The following EPHA6 variants were observed in gnomAD, a reference collection of about 807,000 sequenced individuals.
EPHA6 encodes ephrin type-A receptor 6.
Under a neutral mutation model 112.0 loss-of-function variants are expected in EPHA6, and 50 were observed. That is an observed-to-expected ratio of 0.45 (90% CI 0.36 to 0.56). EPHA6 has a LOEUF of 0.56. EPHA6 is among the 20% of genes least tolerant of loss of function. The probability of loss-of-function intolerance (pLI) is 0.00; values close to 1 mark genes in which losing one functional copy is unlikely to be tolerated. For synonymous variants in EPHA6, 529 were observed against 490.7 expected, an observed-to-expected ratio of 1.08 and a Z score of -1.03; for missense variants, 1,280 against 1,417.4, an observed-to-expected ratio of 0.90 and a Z score of 1.56.
chr3:97,126,221 A>G (rs2048178233), intron 3 of EPHA6, among the ~76,000 whole-genome samples: 1 of 152,120 alleles, frequency 6.6e-6, no homozygotes, highest in East Asian at 1.9e-4. Flanking sequence ...TACTGGCCAT[A>G]TTAACAAGTT....
intron 3 of EPHA6, among the ~76,000 whole-genome samples, chr3:97,198,539 G>T (rs905830466): frequency 3.3e-5 from 5 of 151,990 alleles, no homozygotes; most frequent in African/African-American, 1.2e-4. Context: ...ACTCTGGATT[G>T]CTCAGCAGCA....
At chr3:97,478,748 C>T (rs1423663294) in intron 8 of EPHA6, among the ~76,000 whole-genome samples, 1 of 152,022 alleles carries the variant, frequency 6.6e-6, no homozygotes, top group South Asian at 2.1e-4. Flanking sequence ...GTAACACAGA[C>T]GTACTTTGTT....
At chr3:97,730,844 A>C (rs2035001880) in intron 15 of EPHA6, among the ~76,000 whole-genome samples, 1 of 152,164 alleles carries the variant, frequency 6.6e-6, no homozygotes, top group Non-Finnish European at 1.5e-5. Context: ...ACAAAGAAAC[A>C]GTCGCTGCTC....
chr3:97,646,848 T>A (rs2094068553), intron 14 of EPHA6, among the ~76,000 whole-genome samples: 1 of 152,174 alleles, frequency 6.6e-6, no homozygotes, highest in Non-Finnish European at 1.5e-5. Flanking sequence ...GTGTGGTTCC[T>A]CCAAGGCTGA....
intron 2 of EPHA6, among the ~76,000 whole-genome samples, chr3:96,913,313 C>G (rs1189072182): frequency 1.3e-5 from 2 of 151,114 alleles, no homozygotes; most frequent in Non-Finnish European, 2.9e-5. Context: ...AAGAATGCAG[C>G]GAACTATGAT....
intron 1 of EPHA6, among the ~76,000 whole-genome samples, chr3:96,844,470 G>A (rs1303298917): frequency 6.6e-6 from 1 of 151,878 alleles, no homozygotes; most frequent in Admixed American, 6.6e-5. Context: ...TAATAATTAT[G>A]CTCTTTCACT....
chr3:97,618,082 A>G (rs1333823031), intron 13 of EPHA6, among the ~76,000 whole-genome samples: 1 of 152,078 alleles, frequency 6.6e-6, no homozygotes, highest in Non-Finnish European at 1.5e-5. Context: ...ACATTCTCTC[A>G]GACCACAGCA....
intron 3 of EPHA6, among the ~76,000 whole-genome samples, chr3:96,996,639 A>G (rs2043435015): frequency 6.6e-6 from 1 of 152,064 alleles, no homozygotes; most frequent in African/African-American, 2.4e-5. Context: ...TTTGAAAGCA[A>G]TCTTATTTTC....
At chr3:97,724,341 G>T (rs1215361798) in intron 15 of EPHA6, among the ~76,000 whole-genome samples, 1 of 152,098 alleles carries the variant, frequency 6.6e-6, no homozygotes, top group East Asian at 1.9e-4. Flanking sequence ...GAAAAAAAGA[G>T]TACACAGAAC....
chr3:97,139,802 C>T (rs1250676135), intron 3 of EPHA6, among the ~76,000 whole-genome samples: 1 of 152,136 alleles, frequency 6.6e-6, no homozygotes, highest in African/African-American at 2.4e-5. Flanking sequence ...CCCAAAGGAT[C>T]ACATTAGGTC....
intron 2 of EPHA6, among the ~76,000 whole-genome samples, chr3:96,957,971 A>G (rs958605037): frequency 6.6e-6 from 1 of 152,160 alleles, no homozygotes; most frequent in African/African-American, 2.4e-5. Flanking sequence ...ACTAGCTTAA[A>G]AGAGTTCCTG....
In EPHA6 at chr3:96,987,594, T is replaced by TA; in HGVS notation, c.716dup (p.Tyr239Ter). Residue 239 changes from tyrosine (Y) to a stop codon, truncating the protein, a stop_gained and frameshift_variant, in exon 3 of 18, where the codon TAT becomes TAAT. Coordinates refer to ENST00000389672, the MANE Select transcript of EPHA6 (RefSeq NM_001080448.3). LOFTEE classifies it high-confidence loss of function. Reference sequence around the variant, plus strand: ...CGGAATTAAATTCAAGCCAAACCAGTATACAAAGATCGACACAATTGCTGC... The same window carrying TA: ...CGGAATTAAATTCAAGCCAAACCAGTAATACAAAGATCGACACAATTGCTGC... ...SHGIKFKPNQ[Y>*]TKIDTIAADE... is the part of the protein sequence containing the mutation. 6.2e-7 allele frequency: 1 copy of TA among 1,613,844 alleles called. No individual in the cohort carries two copies. Among genetic ancestry groups the TA allele is most frequent in the Non-Finnish European group, 8.5e-7 (1 of 1,179,766 alleles).
intron 3 of EPHA6, among the ~76,000 whole-genome samples, chr3:96,999,355 T>C (rs2043543943): frequency 6.6e-6 from 1 of 151,986 alleles, no homozygotes; most frequent in Non-Finnish European, 1.5e-5. Flanking sequence ...GTAGTTCTGC[T>C]TCATGCAGTA....
At chr3:97,180,696 C>G (rs1355027967) in intron 3 of EPHA6, among the ~76,000 whole-genome samples, 1 of 152,032 alleles carries the variant, frequency 6.6e-6, no homozygotes, top group East Asian at 1.9e-4. Flanking sequence ...GACTGATGCC[C>G]TATCCTGCTA....
chr3:96,926,786 T>C (rs2040057479), intron 2 of EPHA6, among the ~76,000 whole-genome samples: 1 of 152,148 alleles, frequency 6.6e-6, no homozygotes, highest in Non-Finnish European at 1.5e-5. Context: ...CTTTGCAGGG[T>C]ACAGCCCCCC....
intron 14 of EPHA6, among the ~76,000 whole-genome samples, chr3:97,691,015 T>C (rs1046746958): frequency 6.6e-6 from 1 of 152,218 alleles, no homozygotes; most frequent in Non-Finnish European, 1.5e-5. Context: ...AATTGTCTAA[T>C]CCAAGGTCAA....
chr3:96,923,493 T>G lies in EPHA6; in HGVS notation c.450+56604T>G, dbSNP rs569337661. On this transcript the variant is annotated intron_variant, in intron 2 of 17. Coordinates refer to ENST00000389672, the MANE Select transcript of EPHA6 (RefSeq NM_001080448.3). The stretch of plus-strand genomic sequence containing the variant: ...GCCTACTATTTAAGGTTTTTTTTTT[T>G]CCTTTAGTTTCTTTAAATACCTTGT... 6.2e-4 allele frequency among the ~76,000 whole-genome samples: 94 copies of G among 152,150 alleles called. 2 individuals carry two copies. In the East Asian group the frequency reaches 0.017, roughly 28 times the overall value.
Position 97,632,907 on chromosome 3 carries a change from GA to G in EPHA6, c.2575-4963del, listed in dbSNP as rs1273242721. Among the ~76,000 whole-genome samples the G allele has an allele frequency of 4.6e-5, 7 of 152,070 alleles. 2 individuals carry two copies. The highest frequency in any genetic ancestry group is 4.4e-5 in the Non-Finnish European group (3 of 67,982). ...TGTGTTTTCACAGAAAATTTTGTTA[GA>G]AAGTAATGTGTTGGCTTCAGGACAG... On this transcript the variant is annotated intron_variant, in intron 13 of 17. Coordinates refer to ENST00000389672, the MANE Select transcript of EPHA6 (RefSeq NM_001080448.3).
chr3:97,183,868 T>G (rs1452840391), intron 3 of EPHA6, among the ~76,000 whole-genome samples: 1 of 152,128 alleles, frequency 6.6e-6, no homozygotes, highest in Non-Finnish European at 1.5e-5. Context: ...GAAGCTGATA[T>G]GCCTTTTACA....
Sources: gnomAD v4.1 joint callset for allele counts (sites outside exome capture counted in the v4.1 genomes callset) on GRCh38, gnomAD v4.1.1 for gene constraint, MANE v1.5 for transcripts, NCBI Gene and HGNC (gene_info 2026-07-23, HGNC 2026-07-21) for gene names.